Variants in DYNLT1 observed in about 807,000 individuals in gnomAD.
The protein encoded by DYNLT1 is T-complex testis-specific protein 1 homolog.
A neutral mutation model predicts 19.6 loss-of-function variants in DYNLT1; 18 were observed. That is an observed-to-expected ratio of 0.92 (90% CI 0.64 to 1.36). The LOEUF (loss-of-function observed/expected upper bound fraction) is 1.36. Ranked by LOEUF, DYNLT1 falls within the 40% of genes most tolerant of loss-of-function variation. The pLI, the probability that DYNLT1 is intolerant of heterozygous loss-of-function variation, is 0.00. For synonymous variants in DYNLT1, 56 were observed against 44.0 expected (o/e 1.27, Z -1.07); for missense variants, 137 against 139.3 (o/e 0.98, Z 0.08).
At chr6:158,638,077 C>T (rs1265696490) in intron 2 of DYNLT1, among the ~76,000 whole-genome samples, 183 bp from the exon 3 acceptor site, 1 of 152,082 alleles carries the variant, frequency 6.6e-6, no homozygotes, top group East Asian at 1.9e-4. Flanking sequence ...AAATTTGCTT[C>T]AAAAATTCAT....
At chr6:158,644,037 C>T (rs1289892073) in intron 1 of DYNLT1, among the ~76,000 whole-genome samples, 2 of 149,504 alleles carry the variant, frequency 1.3e-5, no homozygotes, top group Non-Finnish European at 1.5e-5. Flanking sequence ...TGGGCTTTAT[C>T]CTACTTCCTC....
chr6:158,636,717 GA>G lies in DYNLT1; in HGVS notation c.*109del. ...CATTTGGTTTTTTCCTCTACATTGTGAAAGTGCCACAAAACAAAGAGAATGA... is the reference window on the plus strand; with the variant it reads ...CATTTGGTTTTTTCCTCTACATTGTGAAGTGCCACAAAACAAAGAGAATGA... On this transcript the variant is annotated 3_prime_UTR_variant, in exon 5 of 5. Coordinates refer to ENST00000367089, the MANE Select transcript of DYNLT1 (RefSeq NM_006519.4). 6.1e-6 allele frequency: 8 copies of G among 1,311,262 alleles called. No individual in the cohort carries two copies. Among genetic ancestry groups the G allele is most frequent in the Non-Finnish European group, 8.4e-6 (8 of 949,856 alleles). 81.2% of individuals were successfully genotyped at this position (1,311,262 alleles called of 1,614,324 possible).
At chr6:158,641,016 TC>T (rs1787124273) in intron 2 of DYNLT1, among the ~76,000 whole-genome samples, 1 of 152,200 alleles carries the variant, frequency 6.6e-6, no homozygotes, top group Non-Finnish European at 1.5e-5. Context: ...CTTTCTTCAT[TC>T]AACCCTGGAG....
chr6:158,637,347 C>T, intron 3 of DYNLT1, 142 bp from the exon 4 acceptor site: 1 of 716,410 alleles, frequency 1.4e-6, no homozygotes, highest in Non-Finnish European at 2.3e-6. Flanking sequence ...ATTGCCTTGT[C>T]TCACTATATT....
intron 1 of DYNLT1, among the ~76,000 whole-genome samples, chr6:158,643,429 A>G (rs1787204683): frequency 6.6e-6 from 1 of 152,154 alleles, no homozygotes; most frequent in African/African-American, 2.4e-5. Context: ...ATCAGTCCTT[A>G]AGTTTTAGTT....
chr6:158,637,481 C>G lies in DYNLT1; in HGVS notation c.194-276G>C, dbSNP rs552230520. On this transcript the variant is annotated intron_variant, in intron 3 of 4. Coordinates refer to ENST00000367089, the MANE Select transcript of DYNLT1 (RefSeq NM_006519.4). ...GTAAATCCATCAAAGTTGAAAAATTCTAAGTTGAGCCACTGTCAGCTGGGG... is the reference window on the plus strand; with the variant it reads ...GTAAATCCATCAAAGTTGAAAAATTGTAAGTTGAGCCACTGTCAGCTGGGG... 1.0e-4 allele frequency: 62 copies of G among 617,088 alleles called. No homozygotes were observed. In the African/African-American group the frequency reaches 1.1e-3, roughly 11 times the overall value. 38.2% of individuals were successfully genotyped at this position (617,088 alleles called of 1,614,324 possible). A position where few individuals can be genotyped will look rare whatever the true frequency, so the allele number is the denominator to read the frequency against.
In DYNLT1 at chr6:158,636,633, T is replaced by C; in HGVS notation, c.*194A>G. 2 of 566,482 alleles carry C rather than the reference T, an allele frequency of 3.5e-6. No individual in the cohort carries two copies. The highest frequency in any genetic ancestry group is 6.2e-6 in the Non-Finnish European group (2 of 320,646). 35.1% of individuals were successfully genotyped at this position (566,482 alleles called of 1,614,324 possible). On this transcript the variant is annotated 3_prime_UTR_variant, in exon 5 of 5. Coordinates refer to ENST00000367089, the MANE Select transcript of DYNLT1 (RefSeq NM_006519.4). ...AGTTAAGACAAGTGGCAACGCAGGC[T>C]GCAGGTGACCTACAGGGATACTCAT... is the stretch of plus-strand genomic sequence containing the variant.
At chr6:158,641,386 T>A in intron 1 of DYNLT1, 26 bp from the exon 2 acceptor site, 3 of 1,574,664 alleles carry the variant, frequency 1.9e-6, no homozygotes. Context: ...TTCAGTTAAG[T>A]TTGATTTATT....
rs906592986 is a variant in DYNLT1 at position 158,636,693 on chromosome 6, A to G, written c.*134T>C. The stretch of plus-strand genomic sequence containing the variant: ...GTGCCATTCACATCACAGTGCGGTC[A>G]TTTGGTTTTTTCCTCTACATTGTGA... On this transcript the variant is annotated 3_prime_UTR_variant, in exon 5 of 5. Transcript: ENST00000367089. The G allele has an allele frequency of 2.0e-6, 2 of 1,020,128 alleles. No individual in the cohort carries two copies. Among genetic ancestry groups the G allele is most frequent in the Non-Finnish European group, 2.9e-6 (2 of 698,036 alleles). The allele number at this position is 1,020,128 out of a possible 1,614,324, so 63.2% of individuals were successfully genotyped here.
At chr6:158,639,385 G>A (rs1012975335) in intron 2 of DYNLT1, among the ~76,000 whole-genome samples, 8 of 152,086 alleles carry the variant, frequency 5.3e-5, no homozygotes, top group African/African-American at 1.7e-4. Flanking sequence ...AAGGGTAGGG[G>A]GGGCTTTGTT....
chr6:158,644,096 CAG>C (rs1776204771), intron 1 of DYNLT1, among the ~76,000 whole-genome samples: 1 of 151,894 alleles, frequency 6.6e-6, no homozygotes, highest in African/African-American at 2.4e-5. Context: ...AGCTTTCTTA[CAG>C]ACATATTAAA....
At position 158,637,180 on chromosome 6, in the gene DYNLT1, ATTC is replaced by A. The variant is rs1787025198; in HGVS notation, c.216_218del (p.Lys72del). Reference sequence around the variant, plus strand: ...AACTTGCTGTGTGTAATCCAGCTCCATTCTTCTGCATAATTACACAGGTCACTT... The same window carrying A: ...AACTTGCTGTGTGTAATCCAGCTCCATTCTGCATAATTACACAGGTCACTT... On this transcript the variant is annotated inframe_deletion, in exon 4 of 5. Coordinates refer to ENST00000367089, the MANE Select transcript of DYNLT1 (RefSeq NM_006519.4). 8 of 1,614,222 alleles carry A rather than the reference ATTC, an allele frequency of 5.0e-6. No individual in the cohort carries two copies. Among genetic ancestry groups the A allele is most frequent in the Non-Finnish European group, 6.8e-6 (8 of 1,180,032 alleles).
intron 2 of DYNLT1, among the ~76,000 whole-genome samples, chr6:158,639,702 A>G (rs1161092047): frequency 6.6e-6 from 1 of 152,038 alleles, no homozygotes; most frequent in Non-Finnish European, 1.5e-5. Flanking sequence ...TTTTTTTAAG[A>G]CAGAGTCTTG....
Position 158,636,578 on chromosome 6 carries a change from ATTTTAGC to A in DYNLT1, c.*242_*248del, listed in dbSNP as rs879002051. On this transcript the variant is annotated 3_prime_UTR_variant, in exon 5 of 5. Coordinates refer to ENST00000367089, the MANE Select transcript of DYNLT1 (RefSeq NM_006519.4). ...CAAGTTTCACACTAGCAGATTTCAG[ATTTTAGC>A]ACCTTTGAAATGAAATATTCAGAGT... The A allele has an allele frequency of 2.2e-6, 1 of 447,014 alleles. No individual in the cohort carries two copies. Among genetic ancestry groups the A allele is most frequent in the South Asian group, 3.0e-5 (1 of 33,494 alleles). The allele number at this position is 447,014 out of a possible 1,614,324, so 27.7% of individuals were successfully genotyped here.
At chr6:158,639,514 C>T (rs1393327965) in intron 2 of DYNLT1, among the ~76,000 whole-genome samples, 3 of 152,162 alleles carry the variant, frequency 2.0e-5, no homozygotes, top group Non-Finnish European at 4.4e-5. Context: ...GGAGGGAACC[C>T]TCCACCAATT....
At chr6:158,644,412 C>T (rs909759566) in intron 1 of DYNLT1, among the ~76,000 whole-genome samples, 3 of 152,164 alleles carry the variant, frequency 2.0e-5, no homozygotes, top group Non-Finnish European at 2.9e-5. Context: ...CACCGCTCAC[C>T]GGGGCGCTCT....
At chr6:158,637,954 A>G (rs932164038) in intron 2 of DYNLT1, 60 bp from the exon 3 acceptor site, 7 of 1,588,098 alleles carry the variant, frequency 4.4e-6, no homozygotes, top group East Asian at 2.2e-5. Context: ...CCACCTTTCA[A>G]TCAGGAACTG....
chr6:158,640,007 C>A (rs982827432), intron 2 of DYNLT1, among the ~76,000 whole-genome samples: 1 of 152,152 alleles, frequency 6.6e-6, no homozygotes, highest in Non-Finnish European at 1.5e-5. Context: ...ATTGCACTTG[C>A]TAATTGAAAG....
At chr6:158,637,037 GGT>G in intron 4 of DYNLT1, 89 bp downstream of exon 4, 1 of 1,555,806 alleles carries the variant, frequency 6.4e-7, no homozygotes, top group South Asian at 1.1e-5. Context: ...TGTTTTAAAA[GGT>G]GATAAACATG....
Sources: allele counts gnomAD v4.1 joint callset (sites outside exome capture counted in the v4.1 genomes callset), GRCh38; gene constraint gnomAD v4.1.1; transcripts MANE v1.5; gene names NCBI Gene and HGNC (gene_info 2026-07-23, HGNC 2026-07-21).